The following LAMC1 variants were observed in gnomAD, a reference collection of about 807,000 sequenced individuals.
LAMC1 encodes laminin subunit gamma-1.
LAMC1 carries 38 observed loss-of-function variants against 173.6 expected under a neutral mutation model. The observed-to-expected ratio is 0.22, with a 90% CI of 0.17 to 0.29. The LOEUF (loss-of-function observed/expected upper bound fraction) is 0.29, where lower values mean the gene tolerates loss of function less well. Among genes scored for constraint, LAMC1 ranks in the 10% least tolerant of loss-of-function variants. The pLI, the probability that LAMC1 is intolerant of heterozygous loss-of-function variation, is 1.00. For missense variants in LAMC1, 1,824 were observed against 2,051.8 expected, an observed-to-expected ratio of 0.89 and a Z score of 2.14; for synonymous variants, 746 against 749.1, an observed-to-expected ratio of 1.00 and a Z score of 0.07.
At position 183,125,889 on chromosome 1, in the gene LAMC1, C is replaced by T. The variant is rs1886499; in HGVS notation, c.2802-231C>T. Among the ~76,000 whole-genome samples the T allele has an allele frequency of 0.52, 78,732 of 151,936 alleles. 21,088 individuals are homozygous for T. The highest frequency in any genetic ancestry group is 0.65 in the South Asian group (3,135 of 4,818). ...TACTTAGTGTCCATACAGTCCCAGG[C>T]TGGAGAGCACTGGTAGCAGTTAAGT... On this transcript the variant is annotated intron_variant, in intron 15 of 27. Coordinates refer to ENST00000258341, the MANE Select transcript of LAMC1 (RefSeq NM_002293.4).
intron 1 of LAMC1, among the ~76,000 whole-genome samples, chr1:183,047,903 T>A (rs572532492): frequency 6.8e-4 from 103 of 152,330 alleles, no homozygotes; most frequent in African/African-American, 2.4e-3. Flanking sequence ...TATATGTAAT[T>A]TCCCATGAAT....
At chr1:183,079,723 C>G (rs1433959366) in intron 1 of LAMC1, among the ~76,000 whole-genome samples, 1 of 152,174 alleles carries the variant, frequency 6.6e-6, no homozygotes, top group Admixed American at 6.5e-5. Flanking sequence ...TTGATTATCA[C>G]AAGTCAGTTC....
intron 1 of LAMC1, among the ~76,000 whole-genome samples, chr1:183,066,391 G>T (rs1023373606): frequency 6.6e-6 from 1 of 152,242 alleles, no homozygotes; most frequent in Non-Finnish European, 1.5e-5. Context: ...GTGGAAGACA[G>T]TGTGGTGATT....
At position 183,114,675 on chromosome 1, in the gene LAMC1, T is replaced by G; in HGVS notation, c.1166T>G (p.Leu389Arg). The G allele has an allele frequency of 6.2e-7, 1 of 1,614,196 alleles. No individual in the cohort carries two copies. Among genetic ancestry groups the G allele is most frequent in the Non-Finnish European group, 8.5e-7 (1 of 1,180,036 alleles). The part of the protein sequence containing the change: ...CERCRENFFR[L>R]GNNEACSSCH... ...AGGTGCCGAGAGAACTTCTTCCGCC[T>G]TGGCAACAATGAAGCCTGCTCTTCA... The change falls in exon 5 of 28, where the codon CTT becomes CGT. Residue 389 changes from leucine to arginine, a missense_variant. Transcript: ENST00000258341.
chr1:183,098,333 ATACCTCGCAC>A (rs1655747534), intron 1 of LAMC1, among the ~76,000 whole-genome samples: 1 of 152,198 alleles, frequency 6.6e-6, no homozygotes, highest in Non-Finnish European at 1.5e-5. Flanking sequence ...GATAACACAC[ATACCTCGCAC>A]TTTGACCCCT....
At position 183,112,339 on chromosome 1, in the gene LAMC1, GA is replaced by G. The variant is rs940307708; in HGVS notation, c.1021+1689del. Among the ~76,000 whole-genome samples the G allele has an allele frequency of 4.6e-5, 7 of 152,322 alleles. No homozygotes were observed. The East Asian group carries it at 5.8e-4, about 13-fold the overall frequency. On this transcript the variant is annotated intron_variant, in intron 4 of 27. Coordinates refer to ENST00000258341, the MANE Select transcript of LAMC1 (RefSeq NM_002293.4). ...TCTAAATAAATGGACATGTGTGCTT[GA>G]AAAGCATTCTGCTTAATAATGTCGT...
Position 183,136,519 on chromosome 1 carries a change from G to A in LAMC1, c.4248G>A (p.Ala1416=), listed in dbSNP as rs367935944. The A allele has an allele frequency of 6.6e-5, 106 of 1,614,046 alleles. No homozygotes were observed. The highest frequency in any genetic ancestry group is 3.3e-4 in the Middle Eastern group (2 of 6,060). Residue 1416 remains alanine, a synonymous_variant, in exon 25 of 28, where the codon GCG becomes GCA. Transcript: ENST00000258341. ...REAQQALGSA[A]ADATEAKNKA... is the part of the protein sequence containing the mutation. ...CCCAGCAGGCCCTGGGCAGTGCTGC[G>A]GCGGATGCCACAGAGGCCAAGAACA...
intron 19 of LAMC1, 125 bp from the exon 20 acceptor site, chr1:183,131,172 CAA>C (rs3065304): frequency 0.019 from 7,580 of 395,202 alleles, no homozygotes; most frequent in Middle Eastern, 0.023. Flanking sequence ...GAAACTATCT[CAA>C]AAAAAAAAAA....
Position 183,023,588 on chromosome 1 carries a change from G to T in LAMC1, c.-129G>T, listed in dbSNP as rs895600467. On this transcript the variant is annotated 5_prime_UTR_variant, in exon 1 of 28. Coordinates refer to ENST00000258341, the MANE Select transcript of LAMC1 (RefSeq NM_002293.4). The stretch of plus-strand genomic sequence containing the variant: ...CTCTCCGGCGCGAGCCGCCGCCACC[G>T]CCCGCGCCGGAGTCAGGCCCCTGGG... 12 of 653,904 alleles carry T rather than the reference G, an allele frequency of 1.8e-5. No individual in the cohort carries two copies. Among genetic ancestry groups the T allele is most frequent in the African/African-American group, 1.7e-4 (9 of 51,628 alleles). The allele number at this position is 653,904 out of a possible 1,614,324, so 40.5% of individuals were successfully genotyped here. A position where few individuals can be genotyped will look rare whatever the true frequency, so the allele number is the denominator to read the frequency against.
chr1:183,096,887 C>G (rs993859346), intron 1 of LAMC1, among the ~76,000 whole-genome samples: 3 of 152,208 alleles, frequency 2.0e-5, no homozygotes, highest in African/African-American at 7.2e-5. Flanking sequence ...AGAAACTAGC[C>G]CTTCAACAGG....
At position 183,103,462 on chromosome 1, in the gene LAMC1, A is replaced by G. The variant is rs747958719; in HGVS notation, c.553A>G (p.Thr185Ala). 28 of 1,614,052 alleles carry G rather than the reference A, an allele frequency of 1.7e-5. No individual in the cohort carries two copies. In the East Asian group the frequency reaches 4.7e-4, roughly 27 times the overall value. ...YQYYSGSCEN[T>A]YSKANRGFIR... ...GTACTACAGTGGTTCCTGTGAGAACACCTACTCCAAGGCAAACCGCGGCTT... is the reference window on the plus strand; with the variant it reads ...GTACTACAGTGGTTCCTGTGAGAACGCCTACTCCAAGGCAAACCGCGGCTT... Residue 185 changes from threonine to alanine, a missense_variant, in exon 2 of 28, where the codon ACC becomes GCC. Coordinates refer to ENST00000258341, the MANE Select transcript of LAMC1 (RefSeq NM_002293.4).
chr1:183,046,757 G>C (rs1654277721), intron 1 of LAMC1, among the ~76,000 whole-genome samples: 1 of 151,932 alleles, frequency 6.6e-6, no homozygotes, highest in Admixed American at 6.6e-5. Flanking sequence ...TGACAGTTTT[G>C]TTTCTCCTTA....
intron 10 of LAMC1, 39 bp downstream of exon 10, chr1:183,117,762 A>T: frequency 6.5e-7 from 1 of 1,543,624 alleles, no homozygotes; most frequent in Non-Finnish European, 8.9e-7. Context: ...CTTGACGAAC[A>T]TTGTGAAAGT....
chr1:183,096,073 T>A (rs1420808713), intron 1 of LAMC1, among the ~76,000 whole-genome samples: 1 of 152,210 alleles, frequency 6.6e-6, no homozygotes, highest in Non-Finnish European at 1.5e-5. Context: ...GTATATGGCA[T>A]TTTGGGGCAT....
At chr1:183,084,065 A>G (rs1324890751) in intron 1 of LAMC1, among the ~76,000 whole-genome samples, 3 of 152,220 alleles carry the variant, frequency 2.0e-5, no homozygotes, top group South Asian at 2.1e-4. Context: ...TTTAAAAAGC[A>G]TATTATTGGC....
intron 1 of LAMC1, among the ~76,000 whole-genome samples, chr1:183,041,322 A>AT (rs1318094192): frequency 6.6e-6 from 1 of 151,936 alleles, no homozygotes; most frequent in East Asian, 1.9e-4. Context: ...GTACTACTAC[A>AT]TTTTTTTCTT....
At chr1:183,108,143 TA>T in intron 2 of LAMC1, 132 bp from the exon 3 acceptor site, 1 of 731,078 alleles carries the variant, frequency 1.4e-6, no homozygotes, top group Non-Finnish European at 2.2e-6. Context: ...CATTGAGTAT[TA>T]TAATAGATTT....
At chr1:183,131,897 T>C (rs1656806664) in intron 20 of LAMC1, among the ~76,000 whole-genome samples, 1 of 152,246 alleles carries the variant, frequency 6.6e-6, no homozygotes, top group Admixed American at 6.5e-5. Context: ...TCATCTCAGT[T>C]TTAGAATGCT....
Position 183,122,088 on chromosome 1 carries a change from G to C in LAMC1, c.2238G>C (p.Thr746=). ...GTGTTTGTAACTGCAGAGACAATAC[G>C]GCTGGCCCGCACTGTGAGAAGTGCA... ...ETGVCNCRDN[T]AGPHCEKCSD... The change falls in exon 13 of 28, where the codon ACG becomes ACC. Residue 746 remains threonine (T), a synonymous_variant. Transcript: ENST00000258341. 1 of 1,613,994 alleles carries C rather than the reference G, an allele frequency of 6.2e-7. No homozygotes were observed. Among genetic ancestry groups the C allele is most frequent in the South Asian group, 1.1e-5 (1 of 91,032 alleles).
Sources: gnomAD v4.1 joint callset for allele counts (sites outside exome capture counted in the v4.1 genomes callset) on GRCh38, gnomAD v4.1.1 for gene constraint, MANE v1.5 for transcripts, NCBI Gene and HGNC (gene_info 2026-07-23, HGNC 2026-07-21) for gene names.